The following DNAH1 variants were observed in gnomAD, a reference collection of about 807,000 sequenced individuals.
DNAH1 encodes the protein axonemal beta dynein heavy chain 1.
In DNAH1, 327 loss-of-function variants were observed where a neutral mutation model predicts 484.3. That is an observed-to-expected ratio of 0.68 (90% CI 0.62 to 0.74). DNAH1 has a LOEUF of 0.74. DNAH1 is among the 30% of genes least tolerant of loss of function. The probability of loss-of-function intolerance (pLI) is 0.00; values close to 1 mark genes in which losing one functional copy is unlikely to be tolerated. For synonymous variants in DNAH1, 2,192 were observed against 2,191.9 expected, an observed-to-expected ratio of 1.00 and a Z score of 0.00; for missense variants, 5,052 against 5,546.8, an observed-to-expected ratio of 0.91 and a Z score of 2.83.
chr3:52,314,454 G>A (rs1048863245), upstream of DNAH1, among the ~76,000 whole-genome samples: 2 of 152,224 alleles, frequency 1.3e-5, no homozygotes, highest in African/African-American at 4.8e-5. Context: ...GGGATCATGT[G>A]GGGTCATGTG....
intron 45 of DNAH1, 124 bp from the exon 46 acceptor site, chr3:52,375,831 C>T (rs1041206746): frequency 1.7e-5 from 20 of 1,143,678 alleles, no homozygotes; most frequent in South Asian, 1.5e-4. Context: ...GTCTCTGAGC[C>T]TTTATGGGGT....
chr3:52,332,461 T>C (rs1701593952), intron 8 of DNAH1, 67 bp downstream of exon 8: 2 of 1,573,694 alleles, frequency 1.3e-6, no homozygotes, highest in Non-Finnish European at 1.7e-6. Flanking sequence ...CCATAGGAAG[T>C]TGGTGCTACT....
chr3:52,392,718 C>G, intron 64 of DNAH1, 29 bp downstream of exon 64: 4 of 1,574,882 alleles, frequency 2.5e-6, no homozygotes, highest in Non-Finnish European at 2.6e-6. Flanking sequence ...ACCCACCTGC[C>G]CCGGGAGTGC....
In DNAH1 at chr3:52,368,724, C is replaced by T; in HGVS notation, c.5766-17C>T. ...GCCTCCCTGATGTTTCCAGCCCTCT[C>T]CTCCCTGGCGCTGCAGGACAGACGG... On this transcript the variant is annotated splice_polypyrimidine_tract_variant and intron_variant, in intron 36 of 77. Transcript: ENST00000420323. The surrounding 1 kb of genome is among the most constrained non-coding windows in gnomAD (Gnocchi z 4.4). 1.2e-6 allele frequency: 2 copies of T among 1,606,582 alleles called. No homozygotes were observed. Among genetic ancestry groups the T allele is most frequent in the Non-Finnish European group, 1.7e-6 (2 of 1,174,832 alleles).
Position 52,379,670 on chromosome 3 carries a change from C to T in DNAH1, c.7378-235C>T, listed in dbSNP as rs115801815. 0.02 allele frequency among the ~76,000 whole-genome samples: 2,998 copies of T among 152,286 alleles called. 118 individuals are homozygous for T. Among genetic ancestry groups the T allele is most frequent in the African/African-American group, 0.069 (2,860 of 41,542 alleles). ...CCCAGAGGGCACTTGGCCAGCTGGA[C>T]TCGGAGCTGAGGCATGAGGAGGCCC... On this transcript the variant is annotated intron_variant, in intron 47 of 77. Coordinates refer to ENST00000420323, the MANE Select transcript of DNAH1 (RefSeq NM_015512.5). The surrounding 1 kb of genome is among the most constrained non-coding windows in gnomAD (Gnocchi z 4.4).
rs746397714 is a variant in DNAH1 at position 52,399,768 on chromosome 3, T to A, written c.12665T>A (p.Leu4222Gln). 1.3e-5 allele frequency: 21 copies of A among 1,613,660 alleles called. No individual in the cohort carries two copies. Among genetic ancestry groups the A allele is most frequent in the Non-Finnish European group, 1.6e-5 (19 of 1,179,820 alleles). The change falls in exon 77 of 78, where the codon CTG becomes CAG. Residue 4222 changes from leucine to glutamine, a missense_variant. Physicochemically the swap from Leu to Gln is moderately radical, Grantham distance 113. Around this residue, in one of 4 missense-constraint regions of DNAH1, gnomAD observed 853 missense variants for 899.0 expected, o/e 0.95. Coordinates refer to ENST00000420323, the MANE Select transcript of DNAH1 (RefSeq NM_015512.5). Reference sequence around the variant, plus strand: ...TACCTGTGCCCCATCTACAAGACACTGACTCGTGCTGGTATGAGGCCTGGG... The same window carrying A: ...TACCTGTGCCCCATCTACAAGACACAGACTCGTGCTGGTATGAGGCCTGGG... ...DFYLCPIYKT[L>Q]TRAGTLSTTG...
intron 8 of DNAH1, among the ~76,000 whole-genome samples, chr3:52,339,995 A>G (rs935941724): frequency 3.3e-5 from 5 of 152,256 alleles, no homozygotes; most frequent in Middle Eastern, 3.4e-3. Context: ...TTCAAAGAAC[A>G]CTGCCTTTGA....
intron 2 of DNAH1, among the ~76,000 whole-genome samples, chr3:52,323,218 A>C (rs1479914965): frequency 6.6e-6 from 1 of 152,092 alleles, no homozygotes; most frequent in Non-Finnish European, 1.5e-5. Flanking sequence ...TGTTCCAGGC[A>C]GGGGGAGACA....
intron 15 of DNAH1, 63 bp downstream of exon 15, chr3:52,350,171 G>A: frequency 6.3e-7 from 1 of 1,575,048 alleles, no homozygotes; most frequent in South Asian, 1.2e-5. Context: ...GAGTCCGAGG[G>A]CTGGGGCAGG....
chr3:52,355,248 C>T lies in DNAH1; in HGVS notation c.3693+193C>T, dbSNP rs1178166643. Among the ~76,000 whole-genome samples, 1 of 152,224 alleles carries T rather than the reference C, an allele frequency of 6.6e-6. No individual in the cohort carries two copies. Among genetic ancestry groups the T allele is most frequent in the East Asian group, 1.9e-4 (1 of 5,192 alleles). ...GGGCAACTAGGATGGGCTCTCCATC[C>T]ATGAGGTTCAGCTACTGGATGAGGC... On this transcript the variant is annotated intron_variant, in intron 21 of 77. Coordinates refer to ENST00000420323, the MANE Select transcript of DNAH1 (RefSeq NM_015512.5). The surrounding 1 kb of genome is among the most constrained non-coding windows in gnomAD (Gnocchi z 4.5).
Position 52,394,544 on chromosome 3 carries a change from G to A in DNAH1, c.10706G>A (p.Arg3569Gln), listed in dbSNP as rs772508210. The change falls in exon 67 of 78, where the codon CGG (arginine) becomes CAG (glutamine). Residue 3569 changes from arginine (R) to glutamine (Q), a missense_variant. Transcript: ENST00000420323. ...CCGGCACCGGACTGGCTGTCAGACC[G>A]GGCTTGGCGAGACATCCTAGCACTC... ...ENPAPDWLSD[R>Q]AWRDILALSN... The A allele has an allele frequency of 5.0e-6, 8 of 1,613,840 alleles. No individual in the cohort carries two copies. Among genetic ancestry groups the A allele is most frequent in the Middle Eastern group, 1.6e-4 (1 of 6,082 alleles).
chr3:52,342,633 C>G (rs1275443454), intron 8 of DNAH1, among the ~76,000 whole-genome samples: 1 of 152,154 alleles, frequency 6.6e-6, no homozygotes, highest in Admixed American at 6.5e-5. Context: ...CACCCTCAGG[C>G]CCAGTCATGG....
At chr3:52,352,508 G>A in intron 17 of DNAH1, 44 bp from the exon 18 acceptor site, 1 of 1,587,736 alleles carries the variant, frequency 6.3e-7, no homozygotes, top group South Asian at 1.1e-5. Context: ...CTGGACACAA[G>A]TGGGGCTGCA....
rs1440216186 is a variant in DNAH1, at chr3:52,375,526, C to A, written c.7159+113C>A. 5 of 1,184,288 alleles carry A rather than the reference C, an allele frequency of 4.2e-6. No homozygotes were observed. The African/African-American group carries it at 7.6e-5, about 18-fold the overall frequency. The allele number at this position is 1,184,288 out of a possible 1,614,324, so 73.4% of individuals were successfully genotyped here. On this transcript the variant is annotated intron_variant, in intron 45 of 77. Transcript: ENST00000420323. The stretch of plus-strand genomic sequence containing the variant: ...GGGTGGAGTGGCCAAACCATGACCG[C>A]AACCCTGGGTTCACCTCTCACTCAG...
At chr3:52,393,182 C>T (rs1704472909) in intron 65 of DNAH1, among the ~76,000 whole-genome samples, 152 bp from the exon 66 acceptor site, 1 of 152,190 alleles carries the variant, frequency 6.6e-6, no homozygotes, top group Non-Finnish European at 1.5e-5. Context: ...CGCCTACCCT[C>T]CTCCGAGCCC....
intron 11 of DNAH1, among the ~76,000 whole-genome samples, chr3:52,347,417 G>C (rs1358382805): frequency 1.3e-5 from 2 of 152,182 alleles, no homozygotes; most frequent in Non-Finnish European, 2.9e-5. Context: ...GGTCTCAGCT[G>C]GGGGCTGGAT....
intron 60 of DNAH1, among the ~76,000 whole-genome samples, chr3:52,390,235 C>T (rs146357583): frequency 5.3e-4 from 81 of 152,266 alleles, no homozygotes; most frequent in African/African-American, 1.8e-3. Flanking sequence ...GAGGCCAAGG[C>T]AAGTGGATTG....
intron 59 of DNAH1, among the ~76,000 whole-genome samples, 190 bp from the exon 60 acceptor site, chr3:52,389,271 C>T (rs974250583): frequency 3.3e-5 from 5 of 152,232 alleles, no homozygotes; most frequent in Non-Finnish European, 7.3e-5. Flanking sequence ...TTAGCTTTGC[C>T]CGTTTCACAG....
chr3:52,344,677 A>G (rs1316915456), intron 9 of DNAH1, 30 bp downstream of exon 9: 6 of 1,600,176 alleles, frequency 3.7e-6, no homozygotes, highest in East Asian at 2.2e-5. Context: ...GATGGGCTCC[A>G]TGGCCATCCA....
Sources: allele counts gnomAD v4.1 joint callset (sites outside exome capture counted in the v4.1 genomes callset), GRCh38; gene constraint gnomAD v4.1.1; regional missense constraint gnomAD v4.1.1; non-coding constraint Gnocchi (gnomAD v3.1); transcripts MANE v1.5; gene names NCBI Gene and HGNC (gene_info 2026-07-23, HGNC 2026-07-21).